The following TINAG variants were observed in gnomAD, a reference collection of about 807,000 sequenced individuals.
TINAG encodes the protein tubulointerstitial nephritis antigen.
A neutral mutation model predicts 72.7 loss-of-function variants in TINAG; 83 were observed. The observed-to-expected ratio is 1.14, with a 90% CI of 0.96 to 1.37. TINAG has a LOEUF of 1.37. TINAG is among the 40% of genes most tolerant of loss of function. TINAG has a pLI of 0.00. For synonymous variants in TINAG, 234 were observed against 189.9 expected (o/e 1.23, Z -1.91); for missense variants, 685 against 576.6 (o/e 1.19, Z -1.93).
At chr6:54,358,266 A>AATT (rs1763116918) in intron 9 of TINAG, among the ~76,000 whole-genome samples, 1 of 151,734 alleles carries the variant, frequency 6.6e-6, no homozygotes, top group Non-Finnish European at 1.5e-5. Context: ...AATTTTATAC[A>AATT]ATTATCACTT....
intron 4 of TINAG, among the ~76,000 whole-genome samples, chr6:54,336,944 A>G (rs1784878939): frequency 6.6e-6 from 1 of 152,114 alleles, no homozygotes; most frequent in Non-Finnish European, 1.5e-5. Context: ...TATTGGCATT[A>G]ACTAACAAAG....
intron 9 of TINAG, among the ~76,000 whole-genome samples, chr6:54,371,877 G>T (rs1038828956): frequency 1.3e-5 from 2 of 151,634 alleles, no homozygotes; most frequent in African/African-American, 4.8e-5. Flanking sequence ...ATTAGGGAAG[G>T]TGATTACAGT....
intron 1 of TINAG, among the ~76,000 whole-genome samples, chr6:54,315,679 TAA>T (rs547071002): frequency 2.2e-5 from 2 of 89,128 alleles, no homozygotes. Flanking sequence ...CCTGTCAAAG[TAA>T]AAAAAAAAAA....
rs9395941 is a variant in TINAG, at chr6:54,357,008, G to C, written c.1250+2372G>C. On this transcript the variant is annotated intron_variant, in intron 9 of 10. Transcript: ENST00000259782. ...TTACAGCAAACTCCTTGCAAGATTT[G>C]CCTGGAATCACTTTCAGTTCTCTTT... Among the ~76,000 whole-genome samples the C allele has an allele frequency of 8.9e-3, 1,337 of 150,464 alleles. 29 individuals carry two copies. The highest frequency in any genetic ancestry group is 0.053 in the East Asian group (269 of 5,074).
At chr6:54,345,533 G>A (rs956870933) in intron 5 of TINAG, among the ~76,000 whole-genome samples, 4 of 152,040 alleles carry the variant, frequency 2.6e-5, no homozygotes, top group Non-Finnish European at 4.4e-5. Context: ...CACTATAAAA[G>A]TATTTTCTGA....
chr6:54,325,451 G>A (rs748292541), intron 3 of TINAG, among the ~76,000 whole-genome samples: 3 of 152,114 alleles, frequency 2.0e-5, no homozygotes, highest in Non-Finnish European at 4.4e-5. Flanking sequence ...CACACTTTTT[G>A]AGCATATCTC....
intron 9 of TINAG, among the ~76,000 whole-genome samples, chr6:54,366,051 G>T (rs762258791): frequency 1.3e-5 from 2 of 151,506 alleles, no homozygotes; most frequent in South Asian, 2.1e-4. Context: ...CCATAATCAC[G>T]GTAGTAGAAC....
At chr6:54,337,481 T>C (rs1002109904) in intron 4 of TINAG, among the ~76,000 whole-genome samples, 2 of 152,120 alleles carry the variant, frequency 1.3e-5, no homozygotes, top group Admixed American at 6.6e-5. Context: ...CTCGAACTCC[T>C]GCCCTCAGGT....
At chr6:54,325,939 C>G (rs1256663905) in intron 3 of TINAG, among the ~76,000 whole-genome samples, 2 of 152,082 alleles carry the variant, frequency 1.3e-5, no homozygotes, top group Non-Finnish European at 2.9e-5. Flanking sequence ...TCATAAGAGC[C>G]TATCACATTA....
chr6:54,311,623 G>C (rs1784260413), intron 1 of TINAG, among the ~76,000 whole-genome samples: 1 of 152,060 alleles, frequency 6.6e-6, no homozygotes, highest in East Asian at 1.9e-4. Context: ...ATTTCTAGTG[G>C]GTTTGAGCTT....
At chr6:54,311,043 T>C (rs192995298) in intron 1 of TINAG, among the ~76,000 whole-genome samples, 65 of 151,896 alleles carry the variant, frequency 4.3e-4, no homozygotes, top group Admixed American at 9.2e-4. Context: ...GCCATTCCCA[T>C]CTTTCTCCAA....
intron 9 of TINAG, among the ~76,000 whole-genome samples, chr6:54,369,095 A>T (rs1763526697): frequency 6.6e-6 from 1 of 151,944 alleles, no homozygotes; most frequent in African/African-American, 2.4e-5. Flanking sequence ...TAGCCCTAGA[A>T]TTCAAGAGTT....
intron 3 of TINAG, 83 bp downstream of exon 3, chr6:54,321,469 G>A: frequency 2.1e-6 from 2 of 936,004 alleles, no homozygotes; most frequent in Admixed American, 2.2e-5. Context: ...TTCTATAAAT[G>A]GTCATTGTTT....
At chr6:54,350,541 C>T (rs935273609) in intron 7 of TINAG, among the ~76,000 whole-genome samples, 2 of 151,070 alleles carry the variant, frequency 1.3e-5, no homozygotes, top group South Asian at 2.1e-4. Context: ...AGCCATAATG[C>T]TCCTAATACA....
chr6:54,389,561 A>G (rs1764188995), intron 10 of TINAG, among the ~76,000 whole-genome samples: 1 of 152,130 alleles, frequency 6.6e-6, no homozygotes, highest in African/African-American at 2.4e-5. Flanking sequence ...TTACCTTAGT[A>G]CTCTGGGAAA....
chr6:54,346,652 T>C (rs79650262), intron 5 of TINAG, among the ~76,000 whole-genome samples: 2,305 of 151,810 alleles, frequency 0.015, 61 homozygotes, highest in African/African-American at 0.051. Context: ...TAAACAAATA[T>C]ATTCACTTCG....
intron 1 of TINAG, among the ~76,000 whole-genome samples, chr6:54,319,220 A>G (rs1784437384): frequency 1.3e-5 from 2 of 152,104 alleles, no homozygotes; most frequent in Admixed American, 1.3e-4. Flanking sequence ...TCAGGAAAGT[A>G]CTTCTCTTGG....
At chr6:54,386,796 T>C (rs891525441) in intron 10 of TINAG, among the ~76,000 whole-genome samples, 2 of 152,002 alleles carry the variant, frequency 1.3e-5, no homozygotes, top group African/African-American at 4.8e-5. Flanking sequence ...AGAGACCATG[T>C]AATTGCAAAA....
At chr6:54,384,659 T>A (rs1764045641) in intron 10 of TINAG, among the ~76,000 whole-genome samples, 1 of 151,898 alleles carries the variant, frequency 6.6e-6, no homozygotes, top group Admixed American at 6.6e-5. Context: ...CCAAAATAAA[T>A]ACAAAATTAA....
Sources: allele counts gnomAD v4.1 joint callset (sites outside exome capture counted in the v4.1 genomes callset), GRCh38; gene constraint gnomAD v4.1.1; transcripts MANE v1.5; gene names NCBI Gene and HGNC (gene_info 2026-07-23, HGNC 2026-07-21).